ABCA1: variants seen among roughly 807,000 people sequenced by gnomAD.
ABCA1 encodes the protein ATP binding cassette subfamily A member 1.
In ABCA1, 133 loss-of-function variants were observed where a neutral mutation model predicts 262.5. The observed-to-expected ratio is 0.51, with a 90% CI of 0.44 to 0.59. The LOEUF is 0.59. ABCA1 is among the 20% of genes least tolerant of loss of function. The pLI is 0.00. For missense variants in ABCA1, 2,452 were observed against 2,777.5 expected, an observed-to-expected ratio of 0.88 and a Z score of 2.63; for synonymous variants, 1,022 against 1,043.5, an observed-to-expected ratio of 0.98 and a Z score of 0.40.
chr9:104,887,722 CTTT>C (rs56828334), intron 3 of ABCA1, among the ~76,000 whole-genome samples: 7 of 98,844 alleles, frequency 7.1e-5, no homozygotes, highest in Admixed American at 2.3e-4. Context: ...TCAGTTTATG[CTTT>C]TTTTTTTTTT....
intron 8 of ABCA1, among the ~76,000 whole-genome samples, chr9:104,843,464 G>A (rs772067324): frequency 1.3e-5 from 2 of 152,240 alleles, no homozygotes; most frequent in East Asian, 1.9e-4. Context: ...TATTCCAGTC[G>A]CTACTGGAGT....
chr9:104,785,342 G>A (rs373773288), intron 49 of ABCA1, 54 bp downstream of exon 49: 30 of 1,609,220 alleles, frequency 1.9e-5, no homozygotes, highest in East Asian at 8.9e-5. Flanking sequence ...CGGGAGTGTC[G>A]GGGCAGGAAT....
At chr9:104,786,743 A>G in intron 47 of ABCA1, 130 bp downstream of exon 47, 1 of 875,384 alleles carries the variant, frequency 1.1e-6, no homozygotes. Context: ...GAATATGCAT[A>G]TATAATTTCA....
At position 104,840,502 on chromosome 9, in the gene ABCA1, G is replaced by A; in HGVS notation, c.831C>T (p.Ser277=). Residue 277 remains serine (S), a synonymous_variant, in exon 9 of 50, where the codon AGC becomes AGT. Transcript: ENST00000374736. ...TCACCTCCTGTCGCATGTCACTCCA[G>A]CTTCTCATGCTGAACAGCTGGCGTC... ...TLAQELFSMR[S]WSDMRQEVMF... The A allele has an allele frequency of 6.2e-7, 1 of 1,613,602 alleles. No homozygotes were observed. Among genetic ancestry groups the A allele is most frequent in the Non-Finnish European group, 8.5e-7 (1 of 1,179,736 alleles).
rs552288524 is a variant in ABCA1, at chr9:104,799,435, C to T, written c.4943+384G>A. The T allele has an allele frequency of 1.0e-5, 10 of 974,740 alleles. 1 individual carries two copies. In the East Asian group the frequency reaches 8.1e-4, roughly 79 times the overall value. The allele number at this position is 974,740 out of a possible 1,614,324, so 60.4% of individuals were successfully genotyped here. On this transcript the variant is annotated intron_variant, in intron 36 of 49. Transcript: ENST00000374736. ...ACACACACACACACACACACACACA[C>T]AGCTTAATTTAGGAATTAAAGATAC...
At chr9:104,840,959 T>C (rs764293059) in intron 8 of ABCA1, among the ~76,000 whole-genome samples, 9 of 152,182 alleles carry the variant, frequency 5.9e-5, no homozygotes, top group Non-Finnish European at 1.2e-4. Context: ...CTACATCTCA[T>C]TGTGGTTGAG....
At chr9:104,787,052 A>C in intron 46 of ABCA1, 76 bp from the exon 47 acceptor site, 3 of 1,317,494 alleles carry the variant, frequency 2.3e-6, no homozygotes, top group South Asian at 2.6e-5. Context: ...TAAATGCAGA[A>C]GCATCTTTGA....
rs367866009 is a variant in ABCA1, at chr9:104,800,030, C to T, written c.4774-42G>A. ...CAGGTACAAGGTAATGCCCCCAAAC[C>T]GGGCTCCTGCAGGCAGGTGCATACC... On this transcript the variant is annotated intron_variant, in intron 35 of 49. Transcript: ENST00000374736. 2.5e-5 allele frequency: 41 copies of T among 1,612,668 alleles called. No homozygotes were observed. In the South Asian group the frequency reaches 3.1e-4, roughly 12 times the overall value.
At chr9:104,911,908 G>C (rs1841520567) in intron 1 of ABCA1, among the ~76,000 whole-genome samples, 1 of 152,170 alleles carries the variant, frequency 6.6e-6, no homozygotes, top group South Asian at 2.1e-4. Context: ...CATTCTATAA[G>C]AGGTTCTGCT....
At position 104,784,358 on chromosome 9, in the gene ABCA1, G is replaced by A; in HGVS notation, c.6743C>T (p.Thr2248Ile). Residue 2248 changes from threonine (T) to isoleucine (I), a missense_variant, in exon 50 of 50, where the codon ACA (threonine) becomes ATA (isoleucine). This residue lies in a region of ABCA1 where 752 missense variants were observed against 944.5 expected (regional missense o/e 0.80). Coordinates refer to ENST00000374736, the MANE Select transcript of ABCA1 (RefSeq NM_005502.4). ...NQTVVDVAVL[T>I]SFLQDEKVKE... ...CACTTTCTCATCCTGTAGAAAAGAT[G>A]TGAGAACTGCAACGTCCACTACTGT... 3.7e-6 allele frequency: 6 copies of A among 1,614,134 alleles called. No homozygotes were observed. Among genetic ancestry groups the A allele is most frequent in the Non-Finnish European group, 5.1e-6 (6 of 1,180,006 alleles).
chr9:104,790,108 A>AG (rs1829294299), intron 44 of ABCA1, among the ~76,000 whole-genome samples: 1 of 151,798 alleles, frequency 6.6e-6, no homozygotes, highest in Middle Eastern at 3.4e-3. Flanking sequence ...AAAAAAAAAA[A>AG]GCCCAGAGAA....
intron 14 of ABCA1, 134 bp from the exon 15 acceptor site, chr9:104,829,272 T>A: frequency 1.2e-6 from 1 of 806,986 alleles, no homozygotes; most frequent in Non-Finnish European, 2.1e-6. Context: ...CTCTAGACTC[T>A]GAAATGTACG....
chr9:104,786,152 G>A (rs550195361), intron 48 of ABCA1, 146 bp downstream of exon 48: 18 of 708,590 alleles, frequency 2.5e-5, no homozygotes, highest in Admixed American at 4.7e-5. Flanking sequence ...AATGCAGTTC[G>A]GACTTCAAAG....
chr9:104,914,835 G>A (rs1841741597), intron 1 of ABCA1, among the ~76,000 whole-genome samples: 2 of 152,180 alleles, frequency 1.3e-5, no homozygotes, highest in Non-Finnish European at 2.9e-5. Flanking sequence ...AGAAACATAA[G>A]TTCAAGCAGG....
chr9:104,800,884 T>C (rs1417145844), intron 34 of ABCA1, among the ~76,000 whole-genome samples: 1 of 151,964 alleles, frequency 6.6e-6, no homozygotes, highest in Non-Finnish European at 1.5e-5. Flanking sequence ...CTCCTCAAAG[T>C]GCTCCACCGG....
intron 14 of ABCA1, 57 bp downstream of exon 14, chr9:104,830,866 TAC>T: frequency 1.3e-6 from 2 of 1,583,328 alleles, no homozygotes; most frequent in Non-Finnish European, 1.7e-6. Context: ...CACACATATA[TAC>T]ACCCCCATCT....
In ABCA1 at chr9:104,832,609, T is replaced by C. The variant is rs910098842; in HGVS notation, c.1474A>G (p.Asn492Asp). ...YTWREAFNET[N>D]QAIRTISRFM... ...CGAGATATGGTCCGGATTGCCTGGT[T>C]AGTCTCGTTGAAAGCTTCTCTCCAG... The change falls in exon 12 of 50, where the codon AAC (asparagine) becomes GAC (aspartate). Residue 492 changes from asparagine (N) to aspartate (D), a missense_variant. Physicochemically the swap from Asn to Asp is conservative, Grantham distance 23. This residue lies in a region of ABCA1 where 1,032 missense variants were observed against 1,089.7 expected (regional missense o/e 0.95). Coordinates refer to ENST00000374736, the MANE Select transcript of ABCA1 (RefSeq NM_005502.4). The C allele has an allele frequency of 3.1e-6, 5 of 1,614,222 alleles. No homozygotes were observed. Among genetic ancestry groups the C allele is most frequent in the Non-Finnish European group, 4.2e-6 (5 of 1,180,038 alleles).
chr9:104,865,693 A>C (rs116144254), intron 5 of ABCA1, among the ~76,000 whole-genome samples: 1,983 of 152,228 alleles, frequency 0.013, 49 homozygotes, highest in African/African-American at 0.045. Context: ...CCCTGAGCAC[A>C]AATTTTCTTA....
At chr9:104,889,522 T>G in intron 2 of ABCA1, 1 of 268,336 alleles carries the variant, frequency 3.7e-6, no homozygotes, top group Non-Finnish European at 5.7e-6. Flanking sequence ...CCTCCTCCTG[T>G]GCTACTCCAG....
Sources: gnomAD v4.1 joint callset for allele counts (sites outside exome capture counted in the v4.1 genomes callset) on GRCh38, gnomAD v4.1.1 for gene constraint, gnomAD v4.1.1 regional missense constraint, MANE v1.5 for transcripts, NCBI Gene and HGNC (gene_info 2026-07-23, HGNC 2026-07-21) for gene names.